Variants in ADGRV1 observed in about 807,000 individuals in gnomAD.
ADGRV1 encodes the protein G-protein coupled receptor 98.
A neutral mutation model predicts 596.2 loss-of-function variants in ADGRV1; 359 were observed. The observed-to-expected ratio is 0.60, with a 90% CI of 0.55 to 0.66. ADGRV1 has a LOEUF of 0.66. Among genes scored for constraint, ADGRV1 ranks in the 30% least tolerant of loss-of-function variants. The pLI is 0.00. For missense variants in ADGRV1, 7,274 were observed against 7,575.6 expected, an observed-to-expected ratio of 0.96 and a Z score of 1.48; for synonymous variants, 2,681 against 2,679.2, an observed-to-expected ratio of 1.00 and a Z score of -0.02.
intron 38 of ADGRV1, 23 bp from the exon 39 acceptor site, chr5:90,708,792 AT>A: frequency 6.8e-7 from 1 of 1,460,310 alleles, no homozygotes; most frequent in Admixed American, 1.7e-5. Context: ...AACTAAAGGA[AT>A]TTAATGAGTG....
At chr5:90,864,620 C>G (rs2150462912) in intron 83 of ADGRV1, among the ~76,000 whole-genome samples, 1 of 151,942 alleles carries the variant, frequency 6.6e-6, no homozygotes, top group East Asian at 1.9e-4. Flanking sequence ...AGCTGGGACT[C>G]AAATGAGTGA....
At chr5:91,029,087 G>A (rs1445652357) in intron 85 of ADGRV1, among the ~76,000 whole-genome samples, 3 of 151,990 alleles carry the variant, frequency 2.0e-5, no homozygotes, top group African/African-American at 4.8e-5. Context: ...TGTATCAAAT[G>A]TACAATTCCA....
At chr5:90,844,899 G>A (rs1203960834) in intron 78 of ADGRV1, among the ~76,000 whole-genome samples, 1 of 152,112 alleles carries the variant, frequency 6.6e-6, no homozygotes, top group Non-Finnish European at 1.5e-5. Flanking sequence ...GTGTAAACTG[G>A]CCTTGTGGAG....
chr5:90,669,512 A>T (rs1234111506), intron 21 of ADGRV1, among the ~76,000 whole-genome samples: 1 of 152,254 alleles, frequency 6.6e-6, no homozygotes, highest in Non-Finnish European at 1.5e-5. Context: ...TGTACACATT[A>T]AATATTTAAT....
At chr5:91,008,908 T>G (rs1043398816) in intron 85 of ADGRV1, among the ~76,000 whole-genome samples, 1 of 152,124 alleles carries the variant, frequency 6.6e-6, no homozygotes. Flanking sequence ...AGCACAGTAT[T>G]TTACATGGCT....
At chr5:90,965,328 A>G (rs1778355017) in intron 83 of ADGRV1, 87 bp from the exon 84 acceptor site, 1 of 816,086 alleles carries the variant, frequency 1.2e-6, no homozygotes, top group Non-Finnish European at 2.1e-6. Flanking sequence ...ACTGAGTCAT[A>G]GATTTAGATA....
intron 85 of ADGRV1, among the ~76,000 whole-genome samples, chr5:91,014,166 ACACACACACC>A (rs1035605029): frequency 2.0e-5 from 3 of 150,164 alleles, no homozygotes; most frequent in South Asian, 2.1e-4. Flanking sequence ...ACACACACAC[ACACACACACC>A]CCTAGACATA....
At chr5:90,722,680 A>C (rs1554095086) in intron 45 of ADGRV1, among the ~76,000 whole-genome samples, 1 of 123,222 alleles carries the variant, frequency 8.1e-6, no homozygotes, top group Non-Finnish European at 1.6e-5. Context: ...GCACCATTGC[A>C]CTCCAGCCTG....
At chr5:90,635,715 T>G (rs1766109696) in intron 10 of ADGRV1, among the ~76,000 whole-genome samples, 1 of 151,972 alleles carries the variant, frequency 6.6e-6, no homozygotes, top group South Asian at 2.1e-4. Flanking sequence ...CTCAGCCTTA[T>G]GAGTAGCTGG....
chr5:90,768,026 TAAAG>T (rs1355280204), intron 59 of ADGRV1, among the ~76,000 whole-genome samples: 1 of 152,232 alleles, frequency 6.6e-6, no homozygotes, highest in Non-Finnish European at 1.5e-5. Flanking sequence ...CAAATGTCTA[TAAAG>T]ATTTTCCTCA....
intron 83 of ADGRV1, among the ~76,000 whole-genome samples, chr5:90,883,749 A>C (rs1440332955): frequency 1.3e-5 from 2 of 152,140 alleles, no homozygotes; most frequent in Non-Finnish European, 2.9e-5. Context: ...AGATATGTCC[A>C]TGTGCATATC....
At chr5:90,600,311 C>T (rs192081836) in intron 1 of ADGRV1, among the ~76,000 whole-genome samples, 3 of 152,154 alleles carry the variant, frequency 2.0e-5, no homozygotes, top group Admixed American at 2.0e-4. Flanking sequence ...CCCTTCCCCC[C>T]ACCTCACAAC....
At position 90,811,452 on chromosome 5, in the gene ADGRV1, G is replaced by A. The variant is rs1762433744; in HGVS notation, c.16078+114G>A. On this transcript the variant is annotated intron_variant, in intron 74 of 89. Transcript: ENST00000405460. ...AGGTGAAGTTCTTAAGTTATTCATA[G>A]GAATGCATTAAAGTGTTGTTTTTCT... The A allele has an allele frequency of 4.0e-6, 4 of 1,001,020 alleles. No individual in the cohort carries two copies. The Admixed American group carries it at 8.9e-5, about 22-fold the overall frequency. 62.0% of individuals were successfully genotyped at this position (1,001,020 alleles called of 1,614,324 possible).
chr5:90,590,034 T>C (rs1371792545), intron 1 of ADGRV1, among the ~76,000 whole-genome samples: 1 of 152,152 alleles, frequency 6.6e-6, no homozygotes, highest in African/African-American at 2.4e-5. Context: ...ATCATGAAAC[T>C]CATTTAAAAT....
At chr5:91,042,577 G>A (rs1203911897) in intron 85 of ADGRV1, among the ~76,000 whole-genome samples, 1 of 151,882 alleles carries the variant, frequency 6.6e-6, no homozygotes, top group Admixed American at 6.6e-5. Flanking sequence ...GGATACATGT[G>A]CACAACCTGC....
intron 58 of ADGRV1, chr5:90,759,856 T>G (rs1282998648): frequency 5.3e-6 from 2 of 375,788 alleles, no homozygotes; most frequent in Non-Finnish European, 1.0e-5. Context: ...TCCCAGATAC[T>G]TGGGAGGCTG....
intron 85 of ADGRV1, among the ~76,000 whole-genome samples, chr5:91,056,640 G>C (rs1204485773): frequency 6.6e-6 from 1 of 151,998 alleles, no homozygotes; most frequent in Non-Finnish European, 1.5e-5. Flanking sequence ...GCAACGTCTT[G>C]TGTTGTTGTA....
intron 43 of ADGRV1, among the ~76,000 whole-genome samples, chr5:90,719,090 G>A (rs866931767): frequency 2.0e-5 from 3 of 151,990 alleles, no homozygotes; most frequent in East Asian, 3.9e-4. Flanking sequence ...GTAATCTTCC[G>A]GGGGCTAGGC....
intron 83 of ADGRV1, among the ~76,000 whole-genome samples, chr5:90,924,030 T>C (rs1333847018): frequency 2.0e-5 from 3 of 151,696 alleles, no homozygotes; most frequent in East Asian, 1.9e-4. Context: ...CAGTCTATCA[T>C]TGTTGGACAT....
Sources: allele counts gnomAD v4.1 joint callset (sites outside exome capture counted in the v4.1 genomes callset), GRCh38; gene constraint gnomAD v4.1.1; transcripts MANE v1.5; gene names NCBI Gene and HGNC (gene_info 2026-07-23, HGNC 2026-07-21).